Variants in AK4 observed in about 807,000 individuals in gnomAD.
AK4 encodes the protein adenylate kinase 4, also known as adenylate kinase 4, mitochondrial.
Under a neutral mutation model 24.6 loss-of-function variants are expected in AK4, and 13 were observed. The observed-to-expected ratio is 0.53, with a 90% CI of 0.34 to 0.84. AK4 has a LOEUF of 0.84. Ranked by LOEUF, AK4 falls within the 40% of genes least tolerant of loss-of-function variation. The probability of loss-of-function intolerance (pLI) is 0.01; values close to 1 mark genes in which losing one functional copy is unlikely to be tolerated. For synonymous variants in AK4, 88 were observed against 107.0 expected (o/e 0.82, Z 1.10); for missense variants, 192 against 288.2 (o/e 0.67, Z 2.42).
chr1:65,187,457 T>TG lies in AK4; in HGVS notation c.146-3250dup, dbSNP rs1183346092. Among the ~76,000 whole-genome samples, 16 of 151,650 alleles carry TG rather than the reference T, an allele frequency of 1.1e-4. No individual in the cohort carries two copies. In the East Asian group the frequency reaches 2.9e-3, roughly 28 times the overall value. On this transcript the variant is annotated intron_variant, in intron 1 of 4. Transcript: ENST00000327299. ...GATGAGAAGAAGGAGTGACTGCTAA[T>TG]GGGTCAGGGTTTCTTTCTGAAGTAG...
chr1:65,201,868 T>C (rs919482302), intron 2 of AK4, among the ~76,000 whole-genome samples: 1 of 152,060 alleles, frequency 6.6e-6, no homozygotes, highest in Non-Finnish European at 1.5e-5. Flanking sequence ...TGAAACAACA[T>C]GGTGTATTCT....
At chr1:65,160,329 G>A (rs1325644611) in intron 1 of AK4, among the ~76,000 whole-genome samples, 3 of 152,214 alleles carry the variant, frequency 2.0e-5, no homozygotes, top group Non-Finnish European at 2.9e-5. Flanking sequence ...AATAAGGCCT[G>A]TTGACTGCTT....
intron 1 of AK4, among the ~76,000 whole-genome samples, chr1:65,183,321 G>A (rs1650972485): frequency 6.6e-6 from 1 of 152,090 alleles, no homozygotes; most frequent in Admixed American, 6.6e-5. Context: ...CGTTATCTTG[G>A]CTCATTGCAA....
At chr1:65,223,976 G>A (rs1401901305) in intron 3 of AK4, among the ~76,000 whole-genome samples, 1 of 151,198 alleles carries the variant, frequency 6.6e-6, no homozygotes, top group African/African-American at 2.4e-5. Context: ...CTGGGCAACA[G>A]AGTGAGACTC....
chr1:65,175,278 C>CAA (rs1650673780), intron 1 of AK4, among the ~76,000 whole-genome samples: 1 of 152,184 alleles, frequency 6.6e-6, no homozygotes, highest in Non-Finnish European at 1.5e-5. Flanking sequence ...TTCCCGTTTC[C>CAA]CTTCCGGAGG....
rs184732592 is a variant in AK4, at chr1:65,173,480, A to G, written c.146-17230A>G. On this transcript the variant is annotated intron_variant, in intron 1 of 4. Coordinates refer to ENST00000327299, the MANE Select transcript of AK4 (RefSeq NM_013410.4). The stretch of plus-strand genomic sequence containing the variant: ...TCTGGTCACCTCTTCCTCAGATTGC[A>G]TACTTCCCTGTAATTTTTCACTTCT... Among the ~76,000 whole-genome samples the G allele has an allele frequency of 4.2e-3, 646 of 152,044 alleles. 16 individuals are homozygous for G. Among genetic ancestry groups the G allele is most frequent in the Non-Finnish European group, 1.6e-3 (110 of 67,994 alleles).
chr1:65,154,594 T>C (rs1649912376), intron 1 of AK4: 2 of 513,516 alleles, frequency 3.9e-6, no homozygotes, highest in Non-Finnish European at 7.8e-6. Context: ...CCTCAATACG[T>C]GCTGCCAGTG....
Position 65,226,127 on chromosome 1 carries a change from A to G in AK4, c.622A>G (p.Thr208Ala), listed in dbSNP as rs746535040. 1 of 1,611,142 alleles carries G rather than the reference A, an allele frequency of 6.2e-7. No individual in the cohort carries two copies. Among genetic ancestry groups the G allele is most frequent in the Non-Finnish European group, 8.5e-7 (1 of 1,179,626 alleles). The change falls in exon 5 of 5, where the codon ACA becomes GCA. Residue 208 changes from threonine (T) to alanine (A), a missense_variant. Thr to Ala is a moderately conservative substitution (Grantham distance 58, BLOSUM62 0). Transcript: ENST00000327299. ...ETNKIWPYVY[T>A]LFSNKITPIQ... ...GAACAAAATCTGGCCCTACGTTTAC[A>G]CACTTTTCTCAAACAAGATCACACC...
At chr1:65,168,389 A>G (rs933386699) in intron 1 of AK4, among the ~76,000 whole-genome samples, 10 of 151,530 alleles carry the variant, frequency 6.6e-5, no homozygotes, top group Admixed American at 2.0e-4. Flanking sequence ...CAGGTGATTT[A>G]CCCGCCTTGG....
At chr1:65,200,410 C>T (rs770052032) in intron 2 of AK4, among the ~76,000 whole-genome samples, 12 of 152,104 alleles carry the variant, frequency 7.9e-5, no homozygotes, top group African/African-American at 2.2e-4. Flanking sequence ...CCACCGTGCC[C>T]GGTCTAGGTA....
Position 65,232,107 on chromosome 1 carries a change from T to C in AK4, c.*5930T>C, listed in dbSNP as rs373509324. 1.3e-5 allele frequency: 2 copies of C among 152,250 alleles called. No individual in the cohort carries two copies. Among genetic ancestry groups the C allele is most frequent in the African/African-American group, 2.4e-5 (1 of 41,466 alleles). The allele number at this position is 152,250 out of a possible 1,614,324, so 9.4% of individuals were successfully genotyped here. ...GCTTGAAGGTTCATACTTTTCAATT[T>C]GATAGAAATAAAGTTTTTTTCTGCT... is the stretch of plus-strand genomic sequence containing the variant. On this transcript the variant is annotated 3_prime_UTR_variant, in exon 5 of 5. Coordinates refer to ENST00000327299, the MANE Select transcript of AK4 (RefSeq NM_013410.4).
intron 1 of AK4, among the ~76,000 whole-genome samples, chr1:65,157,295 A>G (rs1208333453): frequency 1.3e-5 from 2 of 152,202 alleles, no homozygotes; most frequent in African/African-American, 4.8e-5. Flanking sequence ...ATTGGAATTC[A>G]GGTTATTTAT....
rs1395328992 is a variant in AK4 at position 65,227,365 on chromosome 1, A to G, written c.*1188A>G. The G allele has an allele frequency of 6.6e-6, 1 of 152,410 alleles. No individual in the cohort carries two copies. The highest frequency in any genetic ancestry group is 1.5e-5 in the Non-Finnish European group (1 of 67,994). The allele number at this position is 152,410 out of a possible 1,614,324, so 9.4% of individuals were successfully genotyped here. A position where few individuals can be genotyped will look rare whatever the true frequency, so the allele number is the denominator to read the frequency against. On this transcript the variant is annotated 3_prime_UTR_variant, in exon 5 of 5. Transcript: ENST00000327299. The stretch of plus-strand genomic sequence containing the variant: ...GACTGAGTATAACAGCTTTATGATT[A>G]TGAGAAAACAAATTCTTTATTTTTT...
Position 65,224,761 on chromosome 1 carries a change from G to A in AK4, c.448G>A (p.Asp150Asn). ...TATTTGGTATTTGTAGGGTATTGAT[G>A]ACGTCACTGGTGAACCGTTAGTCCA... is the stretch of plus-strand genomic sequence containing the variant. ...FNPPHVHGID[D>N]VTGEPLVQQE... The change falls in exon 4 of 5, where the codon GAC (aspartate) becomes AAC (asparagine). Residue 150 changes from aspartate to asparagine, a missense_variant. Asp to Asn is a conservative substitution (Grantham distance 23). Transcript: ENST00000327299. 6.2e-7 allele frequency: 1 copy of A among 1,612,358 alleles called. No individual in the cohort carries two copies. The highest frequency in any genetic ancestry group is 8.5e-7 in the Non-Finnish European group (1 of 1,179,374).
chr1:65,150,606 C>A (rs995505124), intron 1 of AK4, among the ~76,000 whole-genome samples: 2 of 152,140 alleles, frequency 1.3e-5, no homozygotes, highest in African/African-American at 4.8e-5. Flanking sequence ...ATAAAACATT[C>A]CTTTCCACGG....
intron 2 of AK4, among the ~76,000 whole-genome samples, chr1:65,215,131 T>C (rs1353372325): frequency 6.6e-6 from 1 of 151,520 alleles, no homozygotes; most frequent in African/African-American, 2.4e-5. Flanking sequence ...TGAGCATCCA[T>C]CATCATTGAT....
At chr1:65,151,856 T>C (rs991368614) in intron 1 of AK4, among the ~76,000 whole-genome samples, 1 of 152,178 alleles carries the variant, frequency 6.6e-6, no homozygotes, top group African/African-American at 2.4e-5. Context: ...GGCTGAGGCT[T>C]ATCAGATACC....
At chr1:65,161,750 G>T (rs1374162731) in intron 1 of AK4, among the ~76,000 whole-genome samples, 1 of 152,044 alleles carries the variant, frequency 6.6e-6, no homozygotes, top group Non-Finnish European at 1.5e-5. Context: ...AGGCTATAAC[G>T]AGAGGAGAGG....
At chr1:65,180,966 G>T (rs1422013847) in intron 1 of AK4, among the ~76,000 whole-genome samples, 2 of 152,012 alleles carry the variant, frequency 1.3e-5, no homozygotes, top group African/African-American at 4.8e-5. Context: ...TCATTTACAG[G>T]AATCTTACTC....
Sources: gnomAD v4.1 joint callset for allele counts (sites outside exome capture counted in the v4.1 genomes callset) on GRCh38, gnomAD v4.1.1 for gene constraint, MANE v1.5 for transcripts, NCBI Gene and HGNC (gene_info 2026-07-23, HGNC 2026-07-21) for gene names.